Variants in SYNPR observed in about 807,000 individuals in gnomAD.
SYNPR encodes synaptoporin.
SYNPR carries 23 observed loss-of-function variants against 32.9 expected under a neutral mutation model. The observed-to-expected ratio is 0.70, with a 90% CI of 0.50 to 0.99. The LOEUF (loss-of-function observed/expected upper bound fraction) is 0.99. SYNPR is among the 50% of genes least tolerant of loss of function. The pLI is 0.00. For missense variants in SYNPR, 318 were observed against 349.3 expected (o/e 0.91, Z 0.71); for synonymous variants, 146 against 135.9 (o/e 1.07, Z -0.52).
At chr3:63,520,309 G>A (rs974963775) in intron 3 of SYNPR, among the ~76,000 whole-genome samples, 1 of 152,148 alleles carries the variant, frequency 6.6e-6, no homozygotes, top group Non-Finnish European at 1.5e-5. Context: ...AGTCCTGATT[G>A]TCTAACCATC....
At chr3:63,597,459 G>A (rs185181985) in intron 4 of SYNPR, among the ~76,000 whole-genome samples, 4 of 152,216 alleles carry the variant, frequency 2.6e-5, no homozygotes, top group Admixed American at 6.6e-5. Flanking sequence ...GAAAAGATGA[G>A]CACTTGTTAA....
At chr3:63,207,708 G>C in the SYNPR span, among the ~76,000 whole-genome samples, 1 of 152,068 alleles carries the variant, frequency 6.6e-6, no homozygotes, top group Non-Finnish European at 1.5e-5. Flanking sequence ...GAATGAAAAG[G>C]AAAGTCATCT....
chr3:63,379,701 A>C (rs2087941547), intron 2 of SYNPR, among the ~76,000 whole-genome samples: 1 of 149,812 alleles, frequency 6.7e-6, no homozygotes, highest in African/African-American at 2.5e-5. Context: ...TTTTTTTATT[A>C]TTATACTCTA....
intron 2 of SYNPR, among the ~76,000 whole-genome samples, chr3:63,434,721 G>A (rs1206940107): frequency 3.9e-5 from 6 of 152,178 alleles, no homozygotes. Flanking sequence ...AGAAATGTGT[G>A]TTAGGAACAG....
At chr3:63,496,360 T>C (rs1701373144) in intron 3 of SYNPR, among the ~76,000 whole-genome samples, 1 of 152,138 alleles carries the variant, frequency 6.6e-6, no homozygotes, top group African/African-American at 2.4e-5. Context: ...CTCTACCACC[T>C]GTTTTTTGGA....
chr3:63,373,098 G>T (rs1232242048), intron 2 of SYNPR, among the ~76,000 whole-genome samples: 1 of 151,986 alleles, frequency 6.6e-6, no homozygotes, highest in African/African-American at 2.4e-5. Context: ...TTACACCATA[G>T]TTAAAGGAAA....
chr3:63,292,649 G>T (rs993020136), intron 2 of SYNPR, among the ~76,000 whole-genome samples: 12 of 152,170 alleles, frequency 7.9e-5, no homozygotes, highest in African/African-American at 2.2e-4. Flanking sequence ...AAGATTAGTG[G>T]CACATAGGAA....
intron 2 of SYNPR, among the ~76,000 whole-genome samples, chr3:63,450,278 A>G (rs1700354635): frequency 6.6e-6 from 1 of 152,184 alleles, no homozygotes; most frequent in South Asian, 2.1e-4. Flanking sequence ...AGTCGGATGG[A>G]TCAGGTGTGT....
At chr3:63,412,327 C>A (rs1350106579) in intron 2 of SYNPR, among the ~76,000 whole-genome samples, 3 of 152,094 alleles carry the variant, frequency 2.0e-5, no homozygotes, top group Non-Finnish European at 4.4e-5. Flanking sequence ...GAAAATATTT[C>A]TTTATTGATC....
chr3:63,365,738 A>G (rs1209178799), intron 2 of SYNPR, among the ~76,000 whole-genome samples: 1 of 152,186 alleles, frequency 6.6e-6, no homozygotes, highest in Non-Finnish European at 1.5e-5. Flanking sequence ...CAAAAGATAT[A>G]TATTTTTTCT....
chr3:63,407,743 A>C (rs908704418), intron 2 of SYNPR, among the ~76,000 whole-genome samples: 10 of 152,150 alleles, frequency 6.6e-5, no homozygotes. Context: ...AGAGCAAGAC[A>C]AATGGTGGGT....
intron 3 of SYNPR, among the ~76,000 whole-genome samples, chr3:63,545,704 T>A (rs1170502209): frequency 6.6e-6 from 1 of 152,128 alleles, no homozygotes; most frequent in Non-Finnish European, 1.5e-5. Flanking sequence ...TTAATTTCAG[T>A]GTTTTAAGTT....
chr3:63,370,525 C>T (rs546069008), intron 2 of SYNPR, among the ~76,000 whole-genome samples: 15 of 152,134 alleles, frequency 9.9e-5, no homozygotes, highest in Admixed American at 3.3e-4. Context: ...AATTTGTACT[C>T]GCCCAAAAAA....
At chr3:63,353,871 C>G (rs1363063218) in intron 2 of SYNPR, among the ~76,000 whole-genome samples, 1 of 152,090 alleles carries the variant, frequency 6.6e-6, no homozygotes, top group African/African-American at 2.4e-5. Flanking sequence ...ACTTGTTTTT[C>G]ATTTATTTGC....
rs183385822 is a variant in SYNPR at position 63,561,664 on chromosome 3, G to A, written c.408+4923G>A. 2.8e-4 allele frequency among the ~76,000 whole-genome samples: 42 copies of A among 152,226 alleles called. No homozygotes were observed. In the South Asian group the frequency reaches 8.1e-3, roughly 29 times the overall value. On this transcript the variant is annotated intron_variant, in intron 4 of 5. Transcript: ENST00000478300. ...ATGGAATGACAGCCATGCATCTGTC[G>A]TACTAGAACTACTAGAGGGTTCTGC...
intron 2 of SYNPR, among the ~76,000 whole-genome samples, chr3:63,433,181 G>C (rs867694728): frequency 3.9e-5 from 6 of 152,210 alleles, no homozygotes; most frequent in Admixed American, 6.5e-5. Flanking sequence ...GTCAGAACAA[G>C]TGGCGCTACA....
chr3:63,586,242 TG>T (rs1232294254), intron 4 of SYNPR, among the ~76,000 whole-genome samples: 1 of 151,846 alleles, frequency 6.6e-6, no homozygotes, highest in Non-Finnish European at 1.5e-5. Context: ...GCTCTTTTCA[TG>T]AACCTAACTG....
intron 3 of SYNPR, among the ~76,000 whole-genome samples, chr3:63,273,247 T>C (rs888532383): frequency 6.6e-6 from 1 of 152,160 alleles, no homozygotes; most frequent in Admixed American, 6.6e-5. Context: ...CTGCAAATCA[T>C]CTTTTTCTTG....
chr3:63,408,507 G>A (rs186261996), intron 2 of SYNPR, among the ~76,000 whole-genome samples: 5 of 152,202 alleles, frequency 3.3e-5, no homozygotes, highest in Non-Finnish European at 5.9e-5. Context: ...TAAGTCTGAA[G>A]GCTTGAGAAC....
Sources: allele counts gnomAD v4.1 joint callset (sites outside exome capture counted in the v4.1 genomes callset), GRCh38; gene constraint gnomAD v4.1.1; transcripts MANE v1.5; gene names NCBI Gene and HGNC (gene_info 2026-07-23, HGNC 2026-07-21).